Variants in TNFRSF10D observed in about 807,000 individuals in gnomAD.
The protein encoded by TNFRSF10D is TNF receptor superfamily member 10d, also known as tumor necrosis factor receptor superfamily member 10D.
TNFRSF10D carries 28 observed loss-of-function variants against 42.1 expected under a neutral mutation model. The observed-to-expected ratio is 0.66, with a 90% confidence interval of 0.49 to 0.91. TNFRSF10D has a LOEUF of 0.91. TNFRSF10D is among the 40% of genes least tolerant of loss of function. The probability of loss-of-function intolerance (pLI) is 0.00; values close to 1 mark genes in which losing one functional copy is unlikely to be tolerated. For missense variants in TNFRSF10D, 503 were observed against 486.1 expected, an observed-to-expected ratio of 1.03 and a Z score of -0.33; for synonymous variants, 186 against 189.4, an observed-to-expected ratio of 0.98 and a Z score of 0.15.
intron 1 of TNFRSF10D, among the ~76,000 whole-genome samples, chr8:23,158,553 C>G (rs886541911): frequency 6.6e-6 from 1 of 152,200 alleles, no homozygotes; most frequent in African/African-American, 2.4e-5. Flanking sequence ...AGTGGATTTA[C>G]AGGGAGTGCA....
At chr8:23,146,006 A>C in intron 4 of TNFRSF10D, 85 bp from the exon 5 acceptor site, 1 of 1,594,134 alleles carries the variant, frequency 6.3e-7, no homozygotes, top group African/African-American at 1.4e-5. Flanking sequence ...TCCCTGCCCA[A>C]AGTCCCTGAG....
intron 1 of TNFRSF10D, among the ~76,000 whole-genome samples, 158 bp downstream of exon 1, chr8:23,163,628 C>A (rs533817223): frequency 3.6e-4 from 55 of 152,270 alleles, no homozygotes; most frequent in South Asian, 2.3e-3. Flanking sequence ...CCGGGCACCC[C>A]ACTCTTCCCC....
chr8:23,163,545 G>C (rs904504230), intron 1 of TNFRSF10D, among the ~76,000 whole-genome samples: 4 of 152,164 alleles, frequency 2.6e-5, no homozygotes, highest in African/African-American at 7.2e-5. Flanking sequence ...AGCTCAGTGC[G>C]GTCCTCGCCG....
chr8:23,163,800 C>T lies in TNFRSF10D; in HGVS notation c.136G>A (p.Ala46Thr). Residue 46 changes from alanine to threonine, a missense_variant, in exon 1 of 9, where the codon GCG becomes ACG. By Grantham distance (58) the Ala-to-Thr change is moderately conservative (BLOSUM62 0). Transcript: ENST00000312584. ...KILKFVVFIV[A>T]VLLPVRVDSA... is the part of the protein sequence containing the mutation. ...CGGAGACTCACCGGCAGCAGAACCG[C>T]GACGATGAAGACGACGAACTTAAGG... 1 of 1,609,646 alleles carries T rather than the reference C, an allele frequency of 6.2e-7. No homozygotes were observed. The highest frequency in any genetic ancestry group is 8.5e-7 in the Non-Finnish European group (1 of 1,178,670).
At chr8:23,162,059 T>C (rs2128840421) in intron 1 of TNFRSF10D, among the ~76,000 whole-genome samples, 1 of 152,210 alleles carries the variant, frequency 6.6e-6, no homozygotes, top group East Asian at 1.9e-4. Flanking sequence ...TGAATTAACC[T>C]GTGGCTTACC....
chr8:23,163,089 CTTTTTTTTTTTTTTTT>C (rs59385093), intron 1 of TNFRSF10D, among the ~76,000 whole-genome samples: 3 of 57,202 alleles, frequency 5.2e-5, no homozygotes, highest in Admixed American at 4.6e-4. Flanking sequence ...GCCTGGCTAA[CTTTTTTTTTTTTTTTT>C]TTTTTTTTTT....
chr8:23,147,098 G>C (rs1165687544), intron 3 of TNFRSF10D, 26 bp from the exon 4 acceptor site: 6 of 1,596,230 alleles, frequency 3.8e-6, no homozygotes, highest in Non-Finnish European at 5.2e-6. Context: ...AAGGTTTTGA[G>C]AATGTGTTTC....
At position 23,145,238 on chromosome 8, in the gene TNFRSF10D, G is replaced by A. The variant is rs918703335; in HGVS notation, c.737-149C>T. 34 of 926,394 alleles carry A rather than the reference G, an allele frequency of 3.7e-5. No homozygotes were observed. In the African/African-American group the frequency reaches 5.7e-4, roughly 15 times the overall value. 57.4% of individuals were successfully genotyped at this position (926,394 alleles called of 1,614,324 possible). Reference sequence around the variant, plus strand: ...GGACAGAATGGGGCCTTGCAATTAGGGGACACCCTGAGGAAGGGGGATGAG... The same window carrying A: ...GGACAGAATGGGGCCTTGCAATTAGAGGACACCCTGAGGAAGGGGGATGAG... On this transcript the variant is annotated intron_variant, in intron 5 of 8. Coordinates refer to ENST00000312584, the MANE Select transcript of TNFRSF10D (RefSeq NM_003840.5).
intron 2 of TNFRSF10D, 84 bp downstream of exon 2, chr8:23,154,790 C>T: frequency 1.4e-6 from 2 of 1,406,896 alleles, no homozygotes; most frequent in Non-Finnish European, 2.0e-6. Context: ...TGCATATTTC[C>T]AAACATCATG....
At chr8:23,162,802 T>C (rs1349485249) in intron 1 of TNFRSF10D, among the ~76,000 whole-genome samples, 3 of 151,314 alleles carry the variant, frequency 2.0e-5, no homozygotes, top group African/African-American at 7.4e-5. Context: ...ACTTTCAGGG[T>C]TCTATAGGAA....
chr8:23,141,827 C>T (rs1487989274), intron 7 of TNFRSF10D, among the ~76,000 whole-genome samples: 19 of 151,894 alleles, frequency 1.3e-4, no homozygotes, highest in African/African-American at 3.1e-4. Flanking sequence ...TAAATGCTGG[C>T]GAGACTATGA....
chr8:23,144,275 G>T (rs1335073719), intron 7 of TNFRSF10D, among the ~76,000 whole-genome samples, 175 bp downstream of exon 7: 1 of 152,196 alleles, frequency 6.6e-6, no homozygotes, highest in African/African-American at 2.4e-5. Context: ...CAGATGTCCT[G>T]CAGACTGGCA....
intron 2 of TNFRSF10D, among the ~76,000 whole-genome samples, chr8:23,151,921 G>GGGCTAGATCCT (rs1214534165): frequency 6.6e-6 from 1 of 151,986 alleles, no homozygotes; most frequent in African/African-American, 2.4e-5. Context: ...CCTTGCCCTG[G>GGGCTAGATCCT]GGGGGATCCA....
chr8:23,152,229 C>T (rs112687746), intron 2 of TNFRSF10D, among the ~76,000 whole-genome samples: 912 of 152,172 alleles, frequency 6.0e-3, no homozygotes, highest in African/African-American at 0.019. Context: ...TGGTGTATTA[C>T]TTACAGACTC....
chr8:23,163,893 G>A lies in TNFRSF10D; in HGVS notation c.43C>T (p.Arg15Ter). 6.3e-7 allele frequency: 1 copy of A among 1,593,432 alleles called. No homozygotes were observed. The highest frequency in any genetic ancestry group is 8.5e-7 in the Non-Finnish European group (1 of 1,172,672). ...GQSVPTASSA[R>*]AGRYPGARTA... Reference sequence around the variant, plus strand: ...CTGGCTCCTGGATAGCGCCCTGCTCGAGCGCTCGAGGCGGTCGGGACGCTT... The same window carrying A: ...CTGGCTCCTGGATAGCGCCCTGCTCAAGCGCTCGAGGCGGTCGGGACGCTT... Residue 15 changes from arginine to a stop codon, truncating the protein, a stop_gained, in exon 1 of 9, where the codon CGA (arginine) becomes TGA (stop). Transcript: ENST00000312584. LOFTEE classifies it high-confidence loss of function.
At chr8:23,141,570 C>G (rs12547249) in intron 7 of TNFRSF10D, among the ~76,000 whole-genome samples, 45,201 of 150,560 alleles carry the variant, frequency 0.3, 7,981 homozygotes, top group East Asian at 0.84. Context: ...TATTTACAAA[C>G]TATGCATCTG....
intron 1 of TNFRSF10D, among the ~76,000 whole-genome samples, chr8:23,162,110 A>G (rs1185000854): frequency 6.6e-6 from 1 of 152,240 alleles, no homozygotes; most frequent in Non-Finnish European, 1.5e-5. Context: ...AAGAAAATCA[A>G]TCTGAATGTA....
intron 2 of TNFRSF10D, among the ~76,000 whole-genome samples, chr8:23,149,927 G>A (rs1017061364): frequency 6.6e-6 from 1 of 152,134 alleles, no homozygotes; most frequent in Non-Finnish European, 1.5e-5. Flanking sequence ...GGTTCCACGA[G>A]GGCAGGGCCT....
intron 7 of TNFRSF10D, among the ~76,000 whole-genome samples, chr8:23,142,528 T>C (rs539132592): frequency 9.8e-5 from 15 of 152,324 alleles, no homozygotes; most frequent in African/African-American, 3.6e-4. Context: ...TTCTCATTTA[T>C]AAGTAGTAGC....
Sources: gnomAD v4.1 joint callset for allele counts (sites outside exome capture counted in the v4.1 genomes callset) on GRCh38, gnomAD v4.1.1 for gene constraint, MANE v1.5 for transcripts, NCBI Gene and HGNC (gene_info 2026-07-23, HGNC 2026-07-21) for gene names.